The following PLPP4 variants were observed in gnomAD, a reference collection of about 807,000 sequenced individuals.
PLPP4 encodes the protein diacylglycerol pyrophosphate like 2.
PLPP4 carries 20 observed loss-of-function variants against 32.2 expected under a neutral mutation model. The observed-to-expected ratio is 0.62, with a 90% CI of 0.44 to 0.90. PLPP4 has a LOEUF of 0.90. PLPP4 is among the 40% of genes least tolerant of loss of function. The pLI is 0.00. For missense variants in PLPP4, 257 were observed against 353.1 expected (o/e 0.73, Z 2.18); for synonymous variants, 127 against 133.0 (o/e 0.95, Z 0.31).
intron 3 of PLPP4, among the ~76,000 whole-genome samples, chr10:120,517,623 G>T (rs960657217): frequency 6.6e-6 from 1 of 152,186 alleles, no homozygotes; most frequent in Non-Finnish European, 1.5e-5. Context: ...GATATGGCCA[G>T]TTGCCCCCAT....
At chr10:120,493,139 T>G (rs1844794449) in intron 1 of PLPP4, among the ~76,000 whole-genome samples, 1 of 152,196 alleles carries the variant, frequency 6.6e-6, no homozygotes, top group African/African-American at 2.4e-5. Flanking sequence ...TTTTAATAGC[T>G]TTTGGTTTGT....
chr10:120,558,451 C>T (rs1848265189), intron 5 of PLPP4, among the ~76,000 whole-genome samples: 1 of 142,714 alleles, frequency 7.0e-6, no homozygotes, highest in Non-Finnish European at 1.5e-5. Context: ...CTCTGTCACT[C>T]AGACTGGAGT....
At position 120,586,636 on chromosome 10, in the gene PLPP4, C is replaced by T. The variant is rs190872468; in HGVS notation, c.617-2667C>T. Among the ~76,000 whole-genome samples the T allele has an allele frequency of 2.4e-3, 367 of 152,244 alleles. 2 individuals carry two copies. Among genetic ancestry groups the T allele is most frequent in the African/African-American group, 7.9e-3 (327 of 41,542 alleles). ...CCCAAAAACACACAGGACAGCAACCCGACCTAACCCTGAGTTACTATGTAT... is the reference window on the plus strand; with the variant it reads ...CCCAAAAACACACAGGACAGCAACCTGACCTAACCCTGAGTTACTATGTAT... On this transcript the variant is annotated intron_variant, in intron 6 of 6. Transcript: ENST00000398250.
intron 1 of PLPP4, among the ~76,000 whole-genome samples, chr10:120,458,116 A>G (rs2133761178): frequency 6.6e-6 from 1 of 152,246 alleles, no homozygotes; most frequent in East Asian, 1.9e-4. Flanking sequence ...CCGTGCGCCC[A>G]GGGACCCACC....
intron 6 of PLPP4, chr10:120,581,093 T>A (rs567463498): frequency 8.0e-7 from 1 of 1,254,536 alleles, no homozygotes; most frequent in Non-Finnish European, 1.0e-6. Context: ...TATCCTGCTT[T>A]CAGCCTCAAG....
At chr10:120,587,346 T>C (rs1849810896) in intron 6 of PLPP4, 1 of 152,158 alleles carries the variant, frequency 6.6e-6, no homozygotes, top group Non-Finnish European at 1.5e-5. Flanking sequence ...CCAAGTCCAG[T>C]TCCAGAGCAG....
intron 5 of PLPP4, among the ~76,000 whole-genome samples, chr10:120,574,735 A>G (rs1274125075): frequency 6.6e-6 from 1 of 152,160 alleles, no homozygotes; most frequent in Admixed American, 6.5e-5. Context: ...TATAGAATGT[A>G]TCACATTATA....
At chr10:120,566,853 C>T (rs1178128730) in intron 5 of PLPP4, among the ~76,000 whole-genome samples, 1 of 152,180 alleles carries the variant, frequency 6.6e-6, no homozygotes, top group Admixed American at 6.5e-5. Context: ...CGGCACCTGG[C>T]CTTTTCCTAC....
Position 120,469,159 on chromosome 10 carries a change from C to T in PLPP4, c.56+11798C>T, listed in dbSNP as rs1474126238. Among the ~76,000 whole-genome samples the T allele has an allele frequency of 7.9e-5, 5 of 63,304 alleles. 2 individuals carry two copies. Among genetic ancestry groups the T allele is most frequent in the Admixed American group, 4.5e-4 (2 of 4,424 alleles). 41.5% of individuals were successfully genotyped at this position (63,304 alleles called of 152,430 possible). A position where few individuals can be genotyped will look rare whatever the true frequency, so the allele number is the denominator to read the frequency against. ...AATCATTTTGAAAATCATGAAGAAA[C>T]GTGGTGAAATTTTATGATGTAATAG... On this transcript the variant is annotated intron_variant, in intron 1 of 6. Transcript: ENST00000398250.
intron 1 of PLPP4, among the ~76,000 whole-genome samples, chr10:120,499,592 ATG>A (rs1488491212): frequency 6.6e-6 from 1 of 152,102 alleles, no homozygotes; most frequent in Admixed American, 6.5e-5. Context: ...ATCCCACATG[ATG>A]CTGCTGCCCT....
intron 1 of PLPP4, among the ~76,000 whole-genome samples, chr10:120,475,611 A>G (rs1055694671): frequency 6.6e-6 from 1 of 152,248 alleles, no homozygotes; most frequent in Non-Finnish European, 1.5e-5. Flanking sequence ...TCACAGGTCC[A>G]GAGAACAACA....
At chr10:120,569,717 C>G (rs911421334) in intron 5 of PLPP4, among the ~76,000 whole-genome samples, 5 of 152,216 alleles carry the variant, frequency 3.3e-5, no homozygotes, top group Admixed American at 2.0e-4. Flanking sequence ...ACCTTGGCCT[C>G]TTGCCAGAAT....
Position 120,524,683 on chromosome 10 carries a change from G to T in PLPP4, c.445+3588G>T, listed in dbSNP as rs117407786. Among the ~76,000 whole-genome samples, 424 of 152,314 alleles carry T rather than the reference G, an allele frequency of 2.8e-3. 1 individual carries two copies. The highest frequency in any genetic ancestry group is 4.7e-3 in the Non-Finnish European group (317 of 68,022). On this transcript the variant is annotated intron_variant, in intron 5 of 6. Transcript: ENST00000398250. ...CAGCAAACAGCATTTCCCCATGGCA[G>T]CGTTTTTATGGGGCTTGCTCTGTAA...
At chr10:120,582,495 A>C (rs974772575) in intron 6 of PLPP4, among the ~76,000 whole-genome samples, 7 of 151,888 alleles carry the variant, frequency 4.6e-5, no homozygotes, top group Non-Finnish European at 8.8e-5. Flanking sequence ...TAACTTGATT[A>C]CTCCTGTAAA....
At chr10:120,549,713 G>A (rs1847800443) in intron 5 of PLPP4, among the ~76,000 whole-genome samples, 1 of 151,928 alleles carries the variant, frequency 6.6e-6, no homozygotes, top group Non-Finnish European at 1.5e-5. Context: ...ATCAGCCATT[G>A]CAAGTAAGCA....
At chr10:120,509,346 A>G (rs527535079) in intron 2 of PLPP4, among the ~76,000 whole-genome samples, 1 of 152,250 alleles carries the variant, frequency 6.6e-6, no homozygotes, top group Non-Finnish European at 1.5e-5. Flanking sequence ...GGCTGAACTC[A>G]CCTCTCCTCA....
intron 1 of PLPP4, among the ~76,000 whole-genome samples, chr10:120,470,770 C>A (rs1037057410): frequency 2.0e-5 from 3 of 151,460 alleles, no homozygotes; most frequent in Non-Finnish European, 4.4e-5. Context: ...GAAAATTTGC[C>A]CCCCCGTACT....
At chr10:120,571,446 G>T (rs1220039539) in intron 5 of PLPP4, among the ~76,000 whole-genome samples, 1 of 152,056 alleles carries the variant, frequency 6.6e-6, no homozygotes, top group East Asian at 1.9e-4. Flanking sequence ...CATTTAACTT[G>T]TTCCATGCTA....
rs376895295 is a variant in PLPP4, at chr10:120,587,623, C to T, written c.617-1680C>T. The T allele has an allele frequency of 1.8e-4, 27 of 152,252 alleles. No individual in the cohort carries two copies. In the South Asian group the frequency reaches 3.5e-3, roughly 20 times the overall value. 9.4% of individuals were successfully genotyped at this position (152,252 alleles called of 1,614,324 possible). ...TACTGAAATATGAAAATATTGTCCC[C>T]GTCCTCAAAAATTATCCCGTTAGAT... is the stretch of plus-strand genomic sequence containing the variant. On this transcript the variant is annotated intron_variant, in intron 6 of 6. Transcript: ENST00000398250.
Sources: gnomAD v4.1 joint callset for allele counts (sites outside exome capture counted in the v4.1 genomes callset) on GRCh38, gnomAD v4.1.1 for gene constraint, MANE v1.5 for transcripts, NCBI Gene and HGNC (gene_info 2026-07-23, HGNC 2026-07-21) for gene names.